The following HIVEP3 variants were observed in gnomAD, a reference collection of about 807,000 sequenced individuals.
HIVEP3 encodes HIVEP zinc finger 3.
HIVEP3 carries 49 observed loss-of-function variants against 152.8 expected under a neutral mutation model. The ratio of observed to expected loss-of-function variants is 0.32; its 90% CI spans 0.26 to 0.41. HIVEP3 has a LOEUF of 0.41. Among genes scored for constraint, HIVEP3 ranks in the 10% least tolerant of loss-of-function variants. HIVEP3 has a pLI of 1.00. For missense variants in HIVEP3, 2,790 were observed against 3,103.3 expected (o/e 0.90, Z 2.40); for synonymous variants, 1,269 against 1,289.0 (o/e 0.98, Z 0.33).
intron 1 of HIVEP3, among the ~76,000 whole-genome samples, chr1:41,795,277 T>C (rs953336594): frequency 6.6e-6 from 1 of 152,202 alleles, no homozygotes; most frequent in Non-Finnish European, 1.5e-5. Context: ...CCTGGTACAG[T>C]ATTTTGTATG....
intron 3 of HIVEP3, among the ~76,000 whole-genome samples, chr1:41,592,869 G>A (rs750214849): frequency 6.6e-5 from 10 of 152,292 alleles, no homozygotes; most frequent in East Asian, 1.9e-4. Context: ...CCAGGGATCC[G>A]CATGTATCCC....
At chr1:41,979,232 C>G (rs966650068) in intron 1 of HIVEP3, among the ~76,000 whole-genome samples, 1 of 152,206 alleles carries the variant, frequency 6.6e-6, no homozygotes, top group African/African-American at 2.4e-5. Context: ...CACCCTCTGG[C>G]ATTCACCCTG....
chr1:41,621,797 C>T (rs1032478078), intron 3 of HIVEP3, among the ~76,000 whole-genome samples: 6 of 152,206 alleles, frequency 3.9e-5, no homozygotes, highest in African/African-American at 1.4e-4. Flanking sequence ...GGATTACAGG[C>T]CTAAGCCCCC....
chr1:41,888,348 G>A (rs544051284), intron 1 of HIVEP3, among the ~76,000 whole-genome samples: 20 of 151,584 alleles, frequency 1.3e-4, no homozygotes, highest in Admixed American at 7.9e-4. Flanking sequence ...CACCACGCCC[G>A]GCCTAGCCCA....
At chr1:41,979,837 A>G (rs1645284792) in intron 1 of HIVEP3, among the ~76,000 whole-genome samples, 1 of 152,246 alleles carries the variant, frequency 6.6e-6, no homozygotes, top group Non-Finnish European at 1.5e-5. Flanking sequence ...TAGGAGAAAA[A>G]GTATCTACTA....
At chr1:41,587,782 T>A (rs943870326) in intron 3 of HIVEP3, among the ~76,000 whole-genome samples, 2 of 152,148 alleles carry the variant, frequency 1.3e-5, no homozygotes, top group Non-Finnish European at 2.9e-5. Flanking sequence ...GACCATCCTG[T>A]GCCTCTTGAC....
At chr1:41,523,640 C>T (rs1467987554) in intron 6 of HIVEP3, among the ~76,000 whole-genome samples, 1 of 152,118 alleles carries the variant, frequency 6.6e-6, no homozygotes, top group Admixed American at 6.5e-5. Flanking sequence ...GGGTAGGGAC[C>T]CTGCTGGGCC....
At chr1:41,670,280 A>G (rs1645855080) in intron 2 of HIVEP3, among the ~76,000 whole-genome samples, 1 of 152,160 alleles carries the variant, frequency 6.6e-6, no homozygotes, top group Non-Finnish European at 1.5e-5. Flanking sequence ...CAGTTAATAG[A>G]TGAGCAAACA....
intron 2 of HIVEP3, among the ~76,000 whole-genome samples, chr1:41,632,183 C>A (rs374121753): frequency 5.3e-5 from 8 of 152,208 alleles, no homozygotes; most frequent in South Asian, 2.1e-4. Flanking sequence ...CACTCCCTCA[C>A]CCCGAGTATG....
At chr1:42,024,309 A>G (rs552739131) in intron 1 of HIVEP3, among the ~76,000 whole-genome samples, 1 of 152,248 alleles carries the variant, frequency 6.6e-6, no homozygotes, top group South Asian at 2.1e-4. Flanking sequence ...TCTCTACTTT[A>G]TTTGATACAT....
intron 1 of HIVEP3, among the ~76,000 whole-genome samples, chr1:41,709,898 G>C (rs933191034): frequency 5.9e-5 from 9 of 152,154 alleles, no homozygotes; most frequent in Non-Finnish European, 1.5e-5. Flanking sequence ...GCTTTAGCCA[G>C]GTTCAGCTCA....
intron 1 of HIVEP3, among the ~76,000 whole-genome samples, chr1:41,744,382 G>T (rs1209224507): frequency 6.6e-6 from 1 of 152,216 alleles, no homozygotes. Flanking sequence ...TTTGCTAAGT[G>T]CCTACTGCAT....
At position 41,581,804 on chromosome 1, in the gene HIVEP3, G is replaced by C. The variant is rs759868789; in HGVS notation, c.2994C>G (p.Asn998Lys). Residue 998 changes from asparagine (N) to lysine (K), a missense_variant, in exon 4 of 9, where the codon AAC becomes AAG. Physicochemically the swap from Asn to Lys is moderately conservative, Grantham distance 94 (BLOSUM62 0). This residue lies in a region of HIVEP3 where 1,078 missense variants were observed against 1,165.3 expected (regional missense o/e 0.93). Transcript: ENST00000372583. This position sits in a 1 kb window ranked among gnomAD's most constrained non-coding sequence, Gnocchi z 4.5. ...MRRSASEQSP[N>K]VSHSAHMTET... is the part of the protein sequence containing the mutation. ...CGGTCATGTGGGCAGAATGGGAAAC[G>C]TTGGGGCTCTGCTCTGAGGCTGACC... The C allele has an allele frequency of 1.9e-6, 3 of 1,587,522 alleles. No individual in the cohort carries two copies. The highest frequency in any genetic ancestry group is 1.2e-5 in the South Asian group (1 of 85,862).
intron 1 of HIVEP3, among the ~76,000 whole-genome samples, chr1:41,710,768 C>T (rs1262805054): frequency 6.6e-6 from 1 of 152,222 alleles, no homozygotes; most frequent in African/African-American, 2.4e-5. Flanking sequence ...ACACCCCAAG[C>T]CTGACTCCCC....
chr1:41,826,428 T>C (rs1401240654), intron 1 of HIVEP3, among the ~76,000 whole-genome samples: 2 of 152,166 alleles, frequency 1.3e-5, no homozygotes, highest in South Asian at 2.1e-4. Context: ...TTGTTTGTTT[T>C]TGAGATGGAG....
At chr1:41,930,128 G>C (rs1426301968) in intron 1 of HIVEP3, among the ~76,000 whole-genome samples, 1 of 152,068 alleles carries the variant, frequency 6.6e-6, no homozygotes, top group African/African-American at 2.4e-5. Context: ...TTACATCTTA[G>C]GTTCCTCAGT....
chr1:41,726,712 G>A (rs1177843499), intron 1 of HIVEP3, among the ~76,000 whole-genome samples: 1 of 152,200 alleles, frequency 6.6e-6, no homozygotes, highest in East Asian at 1.9e-4. Flanking sequence ...GGAGAGAGGA[G>A]ATCAGTTCTT....
At chr1:41,587,317 G>A (rs1228331148) in intron 3 of HIVEP3, among the ~76,000 whole-genome samples, 5 of 152,200 alleles carry the variant, frequency 3.3e-5, no homozygotes, top group African/African-American at 1.2e-4. Flanking sequence ...TCTCCTATGA[G>A]CAGTCAAAGG....
intron 1 of HIVEP3, among the ~76,000 whole-genome samples, chr1:41,703,759 T>C (rs1400176225): frequency 6.6e-6 from 1 of 152,252 alleles, no homozygotes; most frequent in Non-Finnish European, 1.5e-5. Flanking sequence ...TAAGTATCTA[T>C]GCTTTAAGTA....
Sources: allele counts gnomAD v4.1 joint callset (sites outside exome capture counted in the v4.1 genomes callset), GRCh38; gene constraint gnomAD v4.1.1; regional missense constraint gnomAD v4.1.1; non-coding constraint Gnocchi (gnomAD v3.1); transcripts MANE v1.5; gene names NCBI Gene and HGNC (gene_info 2026-07-23, HGNC 2026-07-21).